Variants in DAB1 observed in about 807,000 individuals in gnomAD.
DAB1 encodes DAB adaptor protein 1, also known as disabled homolog 1.
A neutral mutation model predicts 64.6 loss-of-function variants in DAB1; 15 were observed. The observed-to-expected ratio is 0.23, with a 90% CI of 0.16 to 0.36. DAB1 has a LOEUF of 0.36. Ranked by LOEUF, DAB1 falls within the 10% of genes least tolerant of loss-of-function variation. The pLI is 1.00. For synonymous variants in DAB1, 235 were observed against 251.9 expected (o/e 0.93, Z 0.64); for missense variants, 596 against 706.7 (o/e 0.84, Z 1.78).
At chr1:58,019,951 T>C (rs898990496) in intron 5 of DAB1, among the ~76,000 whole-genome samples, 1 of 152,222 alleles carries the variant, frequency 6.6e-6, no homozygotes, top group Non-Finnish European at 1.5e-5. Context: ...CCAGAGAAGC[T>C]GCAAAATATG....
chr1:57,000,716 C>T (rs1645826500), intron 14 of DAB1, among the ~76,000 whole-genome samples: 2 of 152,190 alleles, frequency 1.3e-5, no homozygotes, highest in Non-Finnish European at 2.9e-5. Context: ...TTCAAGCACG[C>T]ATATTAATGT....
intron 7 of DAB1, among the ~76,000 whole-genome samples, chr1:57,624,198 T>C (rs1276141741): frequency 6.6e-6 from 1 of 152,238 alleles, no homozygotes; most frequent in Non-Finnish European, 1.5e-5. Context: ...CCTCCTTTCA[T>C]CTTTTCAGGC....
intron 7 of DAB1, chr1:57,605,950 T>A (rs1354195417): frequency 1.5e-6 from 1 of 688,764 alleles, no homozygotes; most frequent in Non-Finnish European, 2.7e-6. Flanking sequence ...AAAGAGTCAC[T>A]TGTGGATTCT....
intron 3 of DAB1, among the ~76,000 whole-genome samples, chr1:58,432,993 T>C (rs1397611482): frequency 3.9e-5 from 6 of 152,198 alleles, no homozygotes; most frequent in East Asian, 1.9e-4. Flanking sequence ...CATTCCTCTT[T>C]GCAAGCCGAC....
At chr1:58,049,573 G>C (rs530978167) in intron 5 of DAB1, among the ~76,000 whole-genome samples, 7 of 152,224 alleles carry the variant, frequency 4.6e-5, no homozygotes, top group African/African-American at 1.7e-4. Context: ...TATTTGATTA[G>C]CTGGAGAAAA....
chr1:58,144,276 A>C (rs1448544767), intron 5 of DAB1, among the ~76,000 whole-genome samples: 1 of 152,240 alleles, frequency 6.6e-6, no homozygotes. Flanking sequence ...GCATGTTATT[A>C]AGGGAGATAA....
At chr1:58,415,146 T>TC (rs1208642441) in intron 3 of DAB1, among the ~76,000 whole-genome samples, 1 of 151,920 alleles carries the variant, frequency 6.6e-6, no homozygotes, top group Non-Finnish European at 1.5e-5. Context: ...GGAAGATCTG[T>TC]CCCCCTCTCT....
At chr1:57,000,189 G>C (rs755400311) in intron 14 of DAB1, among the ~76,000 whole-genome samples, 1 of 151,940 alleles carries the variant, frequency 6.6e-6, no homozygotes. Context: ...GACTACAGGT[G>C]CCCACCACCA....
chr1:58,377,263 T>C (rs1644337045), intron 3 of DAB1, among the ~76,000 whole-genome samples: 1 of 148,238 alleles, frequency 6.7e-6, no homozygotes, highest in African/African-American at 2.5e-5. Flanking sequence ...TGATGCAGTT[T>C]CTTCCTAGTC....
chr1:57,701,393 T>C (rs1646906344), intron 6 of DAB1, among the ~76,000 whole-genome samples: 1 of 152,184 alleles, frequency 6.6e-6, no homozygotes, highest in Non-Finnish European at 1.5e-5. Context: ...GATGAGTTCA[T>C]GTCCTTTGTA....
chr1:58,492,295 G>C lies in DAB1; in HGVS notation n.257+13765C>G, dbSNP rs1035094374. ...TAGAGGGAAATTTATAGCACTAAAT[G>C]CTCACAAAAGAAAGCAGGAAAGATC... On this transcript the variant is annotated intron_variant and non_coding_transcript_variant, in intron 3 of 20. Coordinates refer to the DAB1 transcript ENST00000485760. 3.3e-5 allele frequency among the ~76,000 whole-genome samples: 5 copies of C among 152,032 alleles called. No homozygotes were observed. The East Asian group carries it at 7.7e-4, about 23-fold the overall frequency.
At chr1:57,282,617 C>T (rs1054523246) in intron 2 of DAB1, among the ~76,000 whole-genome samples, 2 of 152,010 alleles carry the variant, frequency 1.3e-5, no homozygotes, top group East Asian at 1.9e-4. Context: ...AATTCATGAC[C>T]GTGTGACCAC....
chr1:57,932,945 C>T (rs561275169), intron 5 of DAB1, among the ~76,000 whole-genome samples: 65 of 152,284 alleles, frequency 4.3e-4, no homozygotes, highest in African/African-American at 1.3e-3. Flanking sequence ...TCTGGTTAAA[C>T]GGTTTCTTAT....
chr1:58,338,494 A>G (rs1663174971), intron 4 of DAB1, among the ~76,000 whole-genome samples: 1 of 152,252 alleles, frequency 6.6e-6, no homozygotes, highest in Non-Finnish European at 1.5e-5. Flanking sequence ...ATTATTTAAG[A>G]AATTTCAATT....
At chr1:57,269,923 G>A (rs954279618) in intron 2 of DAB1, among the ~76,000 whole-genome samples, 1 of 152,182 alleles carries the variant, frequency 6.6e-6, no homozygotes, top group Non-Finnish European at 1.5e-5. Flanking sequence ...GGCAAAGAAC[G>A]CTTGGCATTT....
At chr1:58,472,631 GAA>G (rs1179279414) in intron 3 of DAB1, among the ~76,000 whole-genome samples, 1 of 152,134 alleles carries the variant, frequency 6.6e-6, no homozygotes, top group Non-Finnish European at 1.5e-5. Flanking sequence ...TGGGACATTT[GAA>G]ATAGTTCAAA....
At chr1:57,638,315 TGAG>T (rs1176541718) in intron 7 of DAB1, among the ~76,000 whole-genome samples, 9 of 152,296 alleles carry the variant, frequency 5.9e-5, no homozygotes, top group South Asian at 2.1e-4. Flanking sequence ...TAGAGTTAAA[TGAG>T]GAGATAAAAA....
At chr1:57,990,959 T>C (rs987376370) in intron 5 of DAB1, among the ~76,000 whole-genome samples, 3 of 152,154 alleles carry the variant, frequency 2.0e-5, no homozygotes, top group Non-Finnish European at 4.4e-5. Context: ...CAACTGCTAC[T>C]TGGGGTGGGA....
intron 3 of DAB1, among the ~76,000 whole-genome samples, chr1:58,480,346 C>T (rs772478795): frequency 5.9e-5 from 9 of 152,122 alleles, no homozygotes; most frequent in Admixed American, 3.9e-4. Flanking sequence ...ACCAGGAACA[C>T]GCTGTATCTC....
Sources: allele counts gnomAD v4.1 joint callset (sites outside exome capture counted in the v4.1 genomes callset), GRCh38; gene constraint gnomAD v4.1.1; transcripts MANE v1.5; gene names NCBI Gene and HGNC (gene_info 2026-07-23, HGNC 2026-07-21).